The following PREX1 variants were observed in gnomAD, a reference collection of about 807,000 sequenced individuals.
PREX1 encodes the protein phosphatidylinositol-3,4,5-trisphosphate dependent Rac exchange factor 1.
PREX1 carries 41 observed loss-of-function variants against 198.3 expected under a neutral mutation model. The ratio of observed to expected loss-of-function variants is 0.21; its 90% CI spans 0.16 to 0.27. PREX1 has a LOEUF of 0.27. PREX1 is among the 10% of genes least tolerant of loss of function. PREX1 has a pLI of 1.00. For missense variants in PREX1, 1,620 were observed against 2,200.7 expected (o/e 0.74, Z 5.28); for synonymous variants, 843 against 887.2 (o/e 0.95, Z 0.89).
At chr20:48,848,441 G>A in the PREX1 span, among the ~76,000 whole-genome samples, 1 of 151,484 alleles carries the variant, frequency 6.6e-6, no homozygotes, top group African/African-American at 2.4e-5. Flanking sequence ...TTTTTTTGTA[G>A]ACAGAGCATT....
At chr20:48,699,844 C>A (rs932145391) in intron 7 of PREX1, among the ~76,000 whole-genome samples, 2 of 152,176 alleles carry the variant, frequency 1.3e-5, no homozygotes, top group Non-Finnish European at 2.9e-5. Flanking sequence ...TCCACACATG[C>A]CCCCAGCTTT....
At chr20:48,799,012 T>TA (rs757123256) in intron 1 of PREX1, among the ~76,000 whole-genome samples, 60 of 152,190 alleles carry the variant, frequency 3.9e-4, no homozygotes, top group Non-Finnish European at 7.1e-4. Flanking sequence ...TTCTCCTGAA[T>TA]AGCTGAGATT....
chr20:48,886,865 G>A, the PREX1 span, among the ~76,000 whole-genome samples: 1 of 152,168 alleles, frequency 6.6e-6, no homozygotes, highest in Non-Finnish European at 1.5e-5. Context: ...GTCAGAGCTG[G>A]GTGGTGAATC....
chr20:48,649,870 A>G (rs1331003478), intron 24 of PREX1, 126 bp downstream of exon 24: 1 of 1,140,420 alleles, frequency 8.8e-7, no homozygotes, highest in East Asian at 2.5e-5. Flanking sequence ...ATAAAGAGAG[A>G]AGGTCATCCC....
chr20:48,708,451 A>G, intron 5 of PREX1, 30 bp from the exon 6 acceptor site: 1 of 1,611,328 alleles, frequency 6.2e-7, no homozygotes, highest in Non-Finnish European at 8.5e-7. Flanking sequence ...GGGAGAAGAA[A>G]GCAAGACATC....
At chr20:48,651,907 GC>G (rs1407877793) in intron 21 of PREX1, among the ~76,000 whole-genome samples, 2 of 152,240 alleles carry the variant, frequency 1.3e-5, no homozygotes, top group Non-Finnish European at 2.9e-5. Context: ...GCAGGCTACT[GC>G]CACCGTCCTG....
At chr20:48,884,997 C>G in the PREX1 span, among the ~76,000 whole-genome samples, 1 of 152,176 alleles carries the variant, frequency 6.6e-6, no homozygotes, top group Non-Finnish European at 1.5e-5. Flanking sequence ...GTTGGACCCC[C>G]AGGTCCATTA....
intron 1 of PREX1, among the ~76,000 whole-genome samples, chr20:48,782,296 G>C (rs370280551): frequency 6.6e-6 from 1 of 152,130 alleles, no homozygotes; most frequent in Non-Finnish European, 1.5e-5. Flanking sequence ...TGCGGTTCTC[G>C]TGGTATTGAA....
chr20:48,652,448 A>T, intron 21 of PREX1, 138 bp downstream of exon 21: 1 of 1,104,840 alleles, frequency 9.1e-7, no homozygotes, highest in Non-Finnish European at 1.2e-6. Context: ...TCCAAAAAGG[A>T]AAAAAAAAAC....
chr20:48,669,316 T>G (rs949177217), intron 14 of PREX1, among the ~76,000 whole-genome samples: 10 of 151,980 alleles, frequency 6.6e-5, no homozygotes, highest in African/African-American at 2.4e-4. Flanking sequence ...CCCCCAAACA[T>G]TCCTCCACCC....
intron 14 of PREX1, among the ~76,000 whole-genome samples, 153 bp downstream of exon 14, chr20:48,676,040 A>G (rs938253173): frequency 7.7e-5 from 11 of 143,362 alleles, no homozygotes; most frequent in Admixed American, 4.2e-4. Context: ...CTGTCTCAAG[A>G]AAAAAAAAAA....
At chr20:48,744,600 G>A (rs1192934558) in intron 3 of PREX1, among the ~76,000 whole-genome samples, 3 of 152,324 alleles carry the variant, frequency 2.0e-5, no homozygotes, top group South Asian at 2.1e-4. Context: ...ACAGCCCAAC[G>A]GGGCACCCCA....
chr20:48,838,993 C>CAA, the PREX1 span, among the ~76,000 whole-genome samples: 665 of 23,034 alleles, frequency 0.029, 140 homozygotes, highest in African/African-American at 0.1. Context: ...GACTCTGTCT[C>CAA]AAAAAAAAAA....
intron 1 of PREX1, among the ~76,000 whole-genome samples, chr20:48,795,710 A>G (rs933319534): frequency 6.6e-6 from 1 of 152,176 alleles, no homozygotes; most frequent in African/African-American, 2.4e-5. Context: ...GTCAGAAGGA[A>G]GGGCCTGAAA....
At chr20:48,680,768 C>T (rs1386798945) in intron 11 of PREX1, among the ~76,000 whole-genome samples, 1 of 152,128 alleles carries the variant, frequency 6.6e-6, no homozygotes, top group African/African-American at 2.4e-5. Context: ...GCCAACACCA[C>T]ACTCTTTACC....
At chr20:48,880,228 T>C in the PREX1 span, among the ~76,000 whole-genome samples, 1 of 152,230 alleles carries the variant, frequency 6.6e-6, no homozygotes, top group South Asian at 2.1e-4. Context: ...AAGTGGTTTA[T>C]ACAAATATAT....
chr20:48,727,086 G>A (rs999349029), intron 4 of PREX1, among the ~76,000 whole-genome samples: 1 of 152,218 alleles, frequency 6.6e-6, no homozygotes, highest in East Asian at 1.9e-4. Context: ...CATGTATGAG[G>A]TCAAATATAA....
At chr20:48,726,194 A>G (rs2090009213) in intron 5 of PREX1, 96 bp downstream of exon 5, 2 of 1,021,936 alleles carry the variant, frequency 2.0e-6, no homozygotes, top group Non-Finnish European at 3.0e-6. Context: ...CAAAGCTGAC[A>G]CTGCTGCTAG....
chr20:48,672,116 A>G (rs1304959416), intron 14 of PREX1, among the ~76,000 whole-genome samples: 1 of 152,192 alleles, frequency 6.6e-6, no homozygotes, highest in Non-Finnish European at 1.5e-5. Context: ...CAACACTGGA[A>G]GTGGCTTTTA....
Sources: allele counts gnomAD v4.1 joint callset (sites outside exome capture counted in the v4.1 genomes callset), GRCh38; gene constraint gnomAD v4.1.1; transcripts MANE v1.5; gene names NCBI Gene and HGNC (gene_info 2026-07-23, HGNC 2026-07-21).